NSMCE2: variants seen among roughly 807,000 people sequenced by gnomAD.
NSMCE2 encodes the protein E3 SUMO-protein ligase NSE2.
NSMCE2 carries 24 observed loss-of-function variants against 23.8 expected under a neutral mutation model. The ratio of observed to expected loss-of-function variants is 1.01; its 90% CI spans 0.73 to 1.42. The LOEUF (loss-of-function observed/expected upper bound fraction) is 1.42, where lower values mean the gene tolerates loss of function less well. NSMCE2 is among the 40% of genes most tolerant of loss of function. NSMCE2 has a pLI of 0.00. For missense variants in NSMCE2, 284 were observed against 296.5 expected (o/e 0.96, Z 0.31); for synonymous variants, 92 against 94.1 (o/e 0.98, Z 0.13).
intron 3 of NSMCE2, among the ~76,000 whole-genome samples, chr8:125,109,915 G>A (rs1818646814): frequency 6.6e-6 from 1 of 152,022 alleles, no homozygotes; most frequent in Non-Finnish European, 1.5e-5. Flanking sequence ...GTTACATTAG[G>A]AGATTTTTTT....
chr8:125,214,643 T>G (rs936020382), intron 5 of NSMCE2, among the ~76,000 whole-genome samples: 1 of 152,152 alleles, frequency 6.6e-6, no homozygotes, highest in Non-Finnish European at 1.5e-5. Context: ...AGATACCACC[T>G]TCTCCCCCAA....
At chr8:125,202,188 C>T (rs754944097) in intron 5 of NSMCE2, among the ~76,000 whole-genome samples, 8 of 152,350 alleles carry the variant, frequency 5.3e-5, no homozygotes, top group African/African-American at 9.6e-5. Context: ...GGCAATGCCC[C>T]GCCCTACTTC....
At position 125,280,486 on chromosome 8, in the gene NSMCE2, G is replaced by A. The variant is rs78755278; in HGVS notation, c.419-76733G>A. 3.9e-4 allele frequency among the ~76,000 whole-genome samples: 59 copies of A among 152,272 alleles called. No homozygotes were observed. In the East Asian group the frequency reaches 0.011, roughly 28 times the overall value. On this transcript the variant is annotated intron_variant, in intron 5 of 7. Coordinates refer to ENST00000287437, the MANE Select transcript of NSMCE2 (RefSeq NM_173685.4). ...CCTCTGTGCAAACTGCTTATTTGAA[G>A]CAATAAAGCTGAGTTGACTCTGGAC... is the stretch of plus-strand genomic sequence containing the variant.
At chr8:125,153,036 G>A (rs10096522) in intron 4 of NSMCE2, among the ~76,000 whole-genome samples, 17,783 of 123,386 alleles carry the variant, frequency 0.14, 1,458 homozygotes, top group Middle Eastern at 0.46. Context: ...CAGCCTGGGC[G>A]ACAGAGCGAG....
chr8:125,138,636 G>C (rs1199475629), intron 3 of NSMCE2, among the ~76,000 whole-genome samples: 1 of 152,190 alleles, frequency 6.6e-6, no homozygotes. Context: ...TGTAATTATT[G>C]CTTTTTATTC....
chr8:125,318,065 G>A (rs1421456569), intron 5 of NSMCE2, among the ~76,000 whole-genome samples: 1 of 152,068 alleles, frequency 6.6e-6, no homozygotes, highest in Non-Finnish European at 1.5e-5. Flanking sequence ...AGAAAAAGCA[G>A]TACCAATCAC....
intron 5 of NSMCE2, among the ~76,000 whole-genome samples, chr8:125,236,066 C>T (rs1563735745): frequency 6.6e-6 from 1 of 152,104 alleles, no homozygotes; most frequent in Non-Finnish European, 1.5e-5. Flanking sequence ...AAAACATCCT[C>T]AGAGCAGCAA....
chr8:125,242,882 G>C (rs1043646231), intron 5 of NSMCE2, among the ~76,000 whole-genome samples: 1 of 152,204 alleles, frequency 6.6e-6, no homozygotes, highest in African/African-American at 2.4e-5. Context: ...GTGGGTCACA[G>C]TGATAGACAA....
At chr8:125,345,977 A>C (rs1191443478) in intron 5 of NSMCE2, among the ~76,000 whole-genome samples, 2 of 152,106 alleles carry the variant, frequency 1.3e-5, no homozygotes, top group African/African-American at 4.8e-5. Flanking sequence ...CCAACATGGC[A>C]AAACCCCGTC....
At chr8:125,352,576 T>C (rs559840607) in intron 5 of NSMCE2, among the ~76,000 whole-genome samples, 6 of 152,096 alleles carry the variant, frequency 3.9e-5, no homozygotes, top group Admixed American at 3.9e-4. Context: ...GAACAACACA[T>C]TGATTTATTA....
At chr8:125,337,884 C>CAA (rs35658538) in intron 5 of NSMCE2, among the ~76,000 whole-genome samples, 8,344 of 97,038 alleles carry the variant, frequency 0.086, 313 homozygotes, top group South Asian at 0.14. Flanking sequence ...AACTCTATCT[C>CAA]AAAAAAAAAA....
intron 5 of NSMCE2, among the ~76,000 whole-genome samples, chr8:125,238,735 T>C (rs1267090403): frequency 6.6e-6 from 1 of 152,200 alleles, no homozygotes; most frequent in African/African-American, 2.4e-5. Context: ...ATTAAGACTT[T>C]ACAGAAATTT....
At chr8:125,157,206 C>T (rs974915081) in intron 4 of NSMCE2, among the ~76,000 whole-genome samples, 1 of 152,136 alleles carries the variant, frequency 6.6e-6, no homozygotes, top group African/African-American at 2.4e-5. Flanking sequence ...TTACTCTTGT[C>T]AGCAGAATAG....
intron 5 of NSMCE2, among the ~76,000 whole-genome samples, chr8:125,337,229 CAT>C (rs1395445906): frequency 6.6e-6 from 1 of 152,198 alleles, no homozygotes; most frequent in Non-Finnish European, 1.5e-5. Flanking sequence ...ACTGGGAAAA[CAT>C]ATTCCAGCCA....
intron 3 of NSMCE2, among the ~76,000 whole-genome samples, chr8:125,109,234 C>T (rs145157809): frequency 8.2e-4 from 125 of 152,286 alleles, no homozygotes; most frequent in Middle Eastern, 3.4e-3. Context: ...ATTCTCTACC[C>T]TCCAATTTGC....
intron 5 of NSMCE2, among the ~76,000 whole-genome samples, chr8:125,256,661 C>G (rs1299497422): frequency 1.3e-5 from 2 of 152,060 alleles, no homozygotes; most frequent in Non-Finnish European, 2.9e-5. Context: ...TGCGGTGGCT[C>G]ACGCCTGTAA....
chr8:125,196,786 C>T (rs572213182), intron 5 of NSMCE2, among the ~76,000 whole-genome samples: 3 of 152,308 alleles, frequency 2.0e-5, no homozygotes, highest in African/African-American at 7.2e-5. Context: ...AACTGTCTTC[C>T]ACAGTGGTTG....
chr8:125,245,947 C>A (rs985591722), intron 5 of NSMCE2, among the ~76,000 whole-genome samples: 1 of 151,900 alleles, frequency 6.6e-6, no homozygotes, highest in Non-Finnish European at 1.5e-5. Context: ...TGGCTTGAAC[C>A]CAGGAGGCAG....
At chr8:125,341,118 G>A (rs1426894196) in intron 5 of NSMCE2, among the ~76,000 whole-genome samples, 1 of 151,980 alleles carries the variant, frequency 6.6e-6, no homozygotes, top group East Asian at 1.9e-4. Context: ...TTTTAGCTAA[G>A]GAATAAAAGT....
Sources: gnomAD v4.1 joint callset for allele counts (sites outside exome capture counted in the v4.1 genomes callset) on GRCh38, gnomAD v4.1.1 for gene constraint, MANE v1.5 for transcripts, NCBI Gene and HGNC (gene_info 2026-07-23, HGNC 2026-07-21) for gene names.